DIAPH2: variants seen among roughly 807,000 people sequenced by gnomAD.
DIAPH2 encodes the protein protein diaphanous homolog 2.
DIAPH2 carries 35 observed loss-of-function variants against 92.7 expected under a neutral mutation model. The observed-to-expected ratio is 0.38, with a 90% CI of 0.29 to 0.50. The LOEUF (loss-of-function observed/expected upper bound fraction) is 0.50, where lower values mean the gene tolerates loss of function less well. DIAPH2 is among the 20% of genes least tolerant of loss of function. The pLI, the probability that DIAPH2 is intolerant of heterozygous loss-of-function variation, is 0.94. For synonymous variants in DIAPH2, 301 were observed against 280.4 expected (o/e 1.07, Z -0.73); for missense variants, 701 against 819.5 (o/e 0.86, Z 1.77).
chrX:97,490,354 T>C (rs1401101960), intron 26 of DIAPH2, among the ~76,000 whole-genome samples: 1 of 110,100 alleles, frequency 9.1e-6, no homozygotes, highest in Admixed American at 9.7e-5. Context: ...AACAATTTTC[T>C]GTTTCACTGA....
chrX:97,295,038 A>C (rs938168702), intron 23 of DIAPH2, among the ~76,000 whole-genome samples: 17 of 111,214 alleles, frequency 1.5e-4, no homozygotes, highest in African/African-American at 5.6e-4. Flanking sequence ...TCTAACCATT[A>C]ACTCCATGTT....
At chrX:97,007,011 TAACTA>T (rs1462102708) in intron 17 of DIAPH2, among the ~76,000 whole-genome samples, 1 of 112,029 alleles carries the variant, frequency 8.9e-6, no homozygotes, top group Non-Finnish European at 1.9e-5. Context: ...GAACTGATGC[TAACTA>T]AACACTGGTT....
intron 4 of DIAPH2, among the ~76,000 whole-genome samples, chrX:96,873,204 C>T (rs925775843): frequency 1.8e-5 from 2 of 111,359 alleles, no homozygotes; most frequent in African/African-American, 6.5e-5. Context: ...TTTTCATATA[C>T]CTGTTTGTCC....
intron 26 of DIAPH2, among the ~76,000 whole-genome samples, chrX:97,506,299 G>A (rs190250283): frequency 5.6e-4 from 60 of 107,532 alleles, no homozygotes; most frequent in Admixed American, 2.1e-3. Flanking sequence ...ACAGGCGCAC[G>A]CCATGAAGCC....
At chrX:97,406,118 C>G (rs2069807675) in intron 25 of DIAPH2, among the ~76,000 whole-genome samples, 1 of 111,953 alleles carries the variant, frequency 8.9e-6, no homozygotes, top group Non-Finnish European at 1.9e-5. Context: ...ATTTATCAGT[C>G]TTTATTTTTG....
At chrX:97,165,017 T>C (rs962637208) in intron 22 of DIAPH2, among the ~76,000 whole-genome samples, 3 of 112,589 alleles carry the variant, frequency 2.7e-5, no homozygotes, top group Non-Finnish European at 5.6e-5. Flanking sequence ...TCAACAACTA[T>C]GGATTGAATG....
chrX:97,411,425 C>T (rs1056280246), intron 25 of DIAPH2, among the ~76,000 whole-genome samples: 1 of 112,137 alleles, frequency 8.9e-6, no homozygotes, highest in Non-Finnish European at 1.9e-5. Flanking sequence ...AAAGGAACAA[C>T]TGGTACCAGC....
Position 96,957,927 on chromosome X carries a change from C to T in DIAPH2, c.1714C>T (p.Pro572Ser). ...PPPPPPAPPL[P>S]GGAPLPPPPP... Reference sequence around the variant, plus strand: ...TCCACCACCACCCGCGCCACCTCTACCCGGAGGAGCTCCTCTTCCTCCTCC... The same window carrying T: ...TCCACCACCACCCGCGCCACCTCTATCCGGAGGAGCTCCTCTTCCTCCTCC... Residue 572 changes from proline (P) to serine (S), a missense_variant, in exon 16 of 27, where the codon CCC (proline) becomes TCC (serine). Transcript: ENST00000324765. 8.3e-7 allele frequency: 1 copy of T among 1,210,503 alleles called. No individual in the cohort carries two copies. Among genetic ancestry groups the T allele is most frequent in the Non-Finnish European group, 1.1e-6 (1 of 895,098 alleles).
At chrX:97,011,472 G>T (rs1046964831) in intron 17 of DIAPH2, among the ~76,000 whole-genome samples, 16 of 112,052 alleles carry the variant, frequency 1.4e-4, no homozygotes, top group African/African-American at 4.9e-4. Context: ...AAGTTATACT[G>T]TAGTGTGGTA....
chrX:97,128,099 G>C (rs2067105770), intron 21 of DIAPH2, among the ~76,000 whole-genome samples: 1 of 111,592 alleles, frequency 9.0e-6, no homozygotes, highest in Admixed American at 9.5e-5. Flanking sequence ...GTGAAAGAAA[G>C]TTTATTAAGA....
chrX:97,075,225 G>A lies in DIAPH2; in HGVS notation c.2211G>A (p.Glu737=), dbSNP rs1211272793. The part of the protein sequence containing the change: ...PYEDIRNVIL[E]VNEDMLSEAL... ...AAGACATAAGAAACGTTATTCTGGA[G>A]GTTAATGAAGACATGCTGAGTGAGG... Residue 737 remains glutamate (E), a synonymous_variant, in exon 19 of 27, where the codon GAG becomes GAA. Coordinates refer to ENST00000324765, the MANE Select transcript of DIAPH2 (RefSeq NM_006729.5). 1.7e-6 allele frequency: 2 copies of A among 1,185,972 alleles called. No individual in the cohort carries two copies. The highest frequency in any genetic ancestry group is 2.3e-6 in the Non-Finnish European group (2 of 881,643).
chrX:97,271,142 A>G (rs973799974), intron 23 of DIAPH2, among the ~76,000 whole-genome samples: 1 of 111,286 alleles, frequency 9.0e-6, no homozygotes, highest in Non-Finnish European at 1.9e-5. Context: ...ACCTGTATAC[A>G]TGCCTTAATT....
At chrX:97,198,489 TATAC>T in intron 22 of DIAPH2, among the ~76,000 whole-genome samples, 1 of 111,429 alleles carries the variant, frequency 9.0e-6, no homozygotes, top group Admixed American at 9.6e-5. Context: ...ATATGCATAT[TATAC>T]ATATATAGGC....
At chrX:97,262,825 G>A (rs1168554068) in intron 23 of DIAPH2, among the ~76,000 whole-genome samples, 1 of 111,831 alleles carries the variant, frequency 8.9e-6, no homozygotes, top group Non-Finnish European at 1.9e-5. Context: ...GAAGAGAGAG[G>A]TCCAAGGACT....
intron 17 of DIAPH2, among the ~76,000 whole-genome samples, chrX:97,042,631 T>G (rs1294199684): frequency 2.7e-5 from 3 of 112,175 alleles, no homozygotes; most frequent in African/African-American, 9.7e-5. Flanking sequence ...CTCAATTCTA[T>G]TTTGTGAAGT....
intron 26 of DIAPH2, among the ~76,000 whole-genome samples, chrX:97,474,680 C>T (rs951785883): frequency 3.6e-5 from 4 of 109,951 alleles, no homozygotes; most frequent in Non-Finnish European, 5.7e-5. Context: ...ACAGGAGAAT[C>T]CCTCGAACCC....
chrX:97,227,562 A>G (rs1010547129), intron 22 of DIAPH2, among the ~76,000 whole-genome samples: 1 of 111,928 alleles, frequency 8.9e-6, no homozygotes, highest in Non-Finnish European at 1.9e-5. Context: ...AATGATTGCA[A>G]AAGATTTAAT....
intron 25 of DIAPH2, among the ~76,000 whole-genome samples, chrX:97,426,589 T>C (rs2070067279): frequency 9.1e-6 from 1 of 109,926 alleles, no homozygotes; most frequent in Non-Finnish European, 1.9e-5. Context: ...TGTGCCCGGC[T>C]AAAATTTCCC....
chrX:96,995,960 T>G (rs950704799), intron 17 of DIAPH2, among the ~76,000 whole-genome samples: 2 of 109,348 alleles, frequency 1.8e-5, no homozygotes, highest in Non-Finnish European at 3.8e-5. Context: ...AAAGAAAGGG[T>G]TAACAACTCA....
Sources: allele counts gnomAD v4.1 joint callset (sites outside exome capture counted in the v4.1 genomes callset), GRCh38; gene constraint gnomAD v4.1.1; transcripts MANE v1.5; gene names NCBI Gene and HGNC (gene_info 2026-07-23, HGNC 2026-07-21).